PAG1: variants seen among roughly 807,000 people sequenced by gnomAD.
The protein encoded by PAG1 is phosphoprotein associated with glycosphingolipid-enriched microdomains 1.
Under a neutral mutation model 31.7 loss-of-function variants are expected in PAG1, and 23 were observed. The observed-to-expected ratio is 0.73, with a 90% CI of 0.52 to 1.03. The LOEUF is 1.03. Ranked by LOEUF, PAG1 falls within the 50% of genes least tolerant of loss-of-function variation. The pLI is 0.00. For missense variants in PAG1, 473 were observed against 540.7 expected (o/e 0.87, Z 1.24); for synonymous variants, 214 against 210.3 (o/e 1.02, Z -0.15).
intron 1 of PAG1, among the ~76,000 whole-genome samples, chr8:81,109,703 T>C (rs1809745201): frequency 6.6e-6 from 1 of 152,236 alleles, no homozygotes. Context: ...ATATGCCAGA[T>C]ACTGGCCCAA....
intron 3 of PAG1, among the ~76,000 whole-genome samples, chr8:80,995,478 T>A (rs1807654421): frequency 6.6e-6 from 1 of 152,242 alleles, no homozygotes; most frequent in Admixed American, 6.5e-5. Context: ...AAACTGAGAC[T>A]ACAAATTGGC....
intron 3 of PAG1, among the ~76,000 whole-genome samples, chr8:81,018,182 T>C (rs1447310824): frequency 6.6e-6 from 1 of 152,230 alleles, no homozygotes; most frequent in African/African-American, 2.4e-5. Flanking sequence ...ATTCAAAACT[T>C]TATTGGCCTA....
In PAG1 at chr8:80,991,570, CCCTTAAAAT is replaced by C. The variant is rs748571782; in HGVS notation, c.126-49_126-41del. 3.4e-6 allele frequency: 5 copies of C among 1,484,700 alleles called. No individual in the cohort carries two copies. The South Asian group carries it at 5.7e-5, about 17-fold the overall frequency. 92.0% of individuals were successfully genotyped at this position (1,484,700 alleles called of 1,614,324 possible). Reference sequence around the variant, plus strand: ...GAAATGTTGTAATGTCAAATGTGCCCCCTTAAAATCAAGCGCACACTACCCTTTCCTATC... The same window carrying C: ...GAAATGTTGTAATGTCAAATGTGCCCCAAGCGCACACTACCCTTTCCTATC... On this transcript the variant is annotated intron_variant, in intron 4 of 8. Coordinates refer to ENST00000220597, the MANE Select transcript of PAG1 (RefSeq NM_018440.4).
chr8:80,976,457 G>T lies in PAG1; in HGVS notation c.*87C>A. 1 of 1,321,910 alleles carries T rather than the reference G, an allele frequency of 7.6e-7. No homozygotes were observed. The highest frequency in any genetic ancestry group is 1.0e-6 in the Non-Finnish European group (1 of 957,908). The allele number at this position is 1,321,910 out of a possible 1,614,324, so 81.9% of individuals were successfully genotyped here. ...TCAGGTGACTAAAGCAGCATATGAA[G>T]TATAGGTTTGTGTCACTTCTTCTCT... On this transcript the variant is annotated 3_prime_UTR_variant, in exon 9 of 9. Transcript: ENST00000220597.
In PAG1 at chr8:80,979,789, TACATATGAAATATGTATATATAC is replaced by T. The variant is rs574518195; in HGVS notation, c.936+623_936+645del. ...GAGCATAGCTCAACATTTATATATA[TACATATGAAATATGTATATATAC>T]ACATATTTCATATTATATGTATAAT... On this transcript the variant is annotated intron_variant, in intron 8 of 8. Coordinates refer to ENST00000220597, the MANE Select transcript of PAG1 (RefSeq NM_018440.4). 2.5e-3 allele frequency among the ~76,000 whole-genome samples: 374 copies of T among 152,280 alleles called. 2 individuals are homozygous for T. Among genetic ancestry groups the T allele is most frequent in the African/African-American group, 8.6e-3 (359 of 41,550 alleles).
intron 3 of PAG1, among the ~76,000 whole-genome samples, chr8:81,010,644 T>A (rs944627195): frequency 3.3e-5 from 5 of 152,248 alleles, no homozygotes; most frequent in Non-Finnish European, 7.3e-5. Flanking sequence ...ATCAACACAT[T>A]ATTATGACAA....
chr8:80,985,422 A>G lies in PAG1; in HGVS notation c.275-45T>C, dbSNP rs761600346. 6.5e-6 allele frequency: 10 copies of G among 1,544,702 alleles called. No homozygotes were observed. The East Asian group carries it at 2.0e-4, about 32-fold the overall frequency. On this transcript the variant is annotated intron_variant, in intron 6 of 8. Transcript: ENST00000220597. ...AAAAGCGGAGAAAGGCAAGTCTTTC[A>G]ATAATTATTACCGAGAATCAGGTAA... is the stretch of plus-strand genomic sequence containing the variant.
chr8:81,087,341 CAAAAA>C (rs34830995), intron 1 of PAG1, among the ~76,000 whole-genome samples: 2 of 98,312 alleles, frequency 2.0e-5, no homozygotes, highest in Admixed American at 1.1e-4. Flanking sequence ...GACTCTGTCT[CAAAAA>C]AAAAAAAAAA....
intron 1 of PAG1, among the ~76,000 whole-genome samples, chr8:81,090,837 ACT>A (rs1218491828): frequency 4.6e-5 from 7 of 152,098 alleles, no homozygotes; most frequent in African/African-American, 7.2e-5. Context: ...ATCGCAAAAG[ACT>A]CTATGCCACA....
At chr8:80,987,657 T>G (rs954185739) in intron 5 of PAG1, 191 bp from the exon 6 acceptor site, 2 of 534,192 alleles carry the variant, frequency 3.7e-6, no homozygotes, top group South Asian at 2.0e-5. Flanking sequence ...CCTAAAACCA[T>G]GAGTAGTACT....
chr8:81,016,194 G>T (rs1464396328), intron 3 of PAG1, among the ~76,000 whole-genome samples: 1 of 152,198 alleles, frequency 6.6e-6, no homozygotes, highest in Non-Finnish European at 1.5e-5. Flanking sequence ...ACTGTAGAAT[G>T]AGCTGCTGAG....
intron 1 of PAG1, among the ~76,000 whole-genome samples, chr8:81,091,955 G>A (rs1809452843): frequency 6.7e-6 from 1 of 148,408 alleles, no homozygotes. Context: ...AGCTATGACT[G>A]CATCACTGCA....
In PAG1 at chr8:80,993,224, C is replaced by T; in HGVS notation, c.4G>A (p.Gly2Arg). Residue 2 changes from glycine to arginine, a missense_variant, in exon 4 of 9, where the codon GGG (glycine) becomes AGG (arginine). By Grantham distance (125) the Gly-to-Arg change is moderately radical. Transcript: ENST00000220597. ...CTGCCCAGCAGGCTCCCCGCGGGCC[C>T]CATGGCAGGAGCAGGCACTGGCACC... MGPAGSLLGSGQ... is the reference protein window; with the variant it reads MRPAGSLLGSGQ... 1 of 1,604,808 alleles carries T rather than the reference C, an allele frequency of 6.2e-7. No individual in the cohort carries two copies. The highest frequency in any genetic ancestry group is 8.5e-7 in the Non-Finnish European group (1 of 1,176,008).
chr8:81,072,839 A>T (rs1809116739), intron 1 of PAG1, among the ~76,000 whole-genome samples: 1 of 152,212 alleles, frequency 6.6e-6, no homozygotes, highest in African/African-American at 2.4e-5. Context: ...CACCTGTTGT[A>T]TTCTCAGCCC....
chr8:80,981,862 C>CTTTTTT (rs57438015), intron 7 of PAG1, among the ~76,000 whole-genome samples: 1,156 of 103,446 alleles, frequency 0.011, 103 homozygotes, highest in African/African-American at 0.054. Context: ...ATCTCACTTC[C>CTTTTTT]TTTTTTTTTT....
intron 3 of PAG1, among the ~76,000 whole-genome samples, chr8:80,997,887 T>C (rs1807712080): frequency 6.6e-6 from 1 of 152,182 alleles, no homozygotes; most frequent in Non-Finnish European, 1.5e-5. Context: ...TACCTCAATC[T>C]CCACCCCAAT....
intron 2 of PAG1, among the ~76,000 whole-genome samples, chr8:81,034,835 G>A (rs1431864671): frequency 6.6e-6 from 1 of 152,120 alleles, no homozygotes; most frequent in African/African-American, 2.4e-5. Context: ...ACGATTTCAT[G>A]TACCACCTGC....
chr8:80,994,970 C>T (rs2130530465), intron 3 of PAG1, among the ~76,000 whole-genome samples: 1 of 152,306 alleles, frequency 6.6e-6, no homozygotes, highest in Non-Finnish European at 1.5e-5. Context: ...AAAGCTGTGA[C>T]TGTTTTCAGC....
At position 80,973,102 on chromosome 8, in the gene PAG1, T is replaced by C. The variant is rs1010693514; in HGVS notation, c.*3442A>G. 2.0e-5 allele frequency: 3 copies of C among 152,134 alleles called. No homozygotes were observed. Among genetic ancestry groups the C allele is most frequent in the African/African-American group, 7.2e-5 (3 of 41,430 alleles). 9.4% of individuals were successfully genotyped at this position (152,134 alleles called of 1,614,324 possible). On this transcript the variant is annotated 3_prime_UTR_variant, in exon 9 of 9. Coordinates refer to ENST00000220597, the MANE Select transcript of PAG1 (RefSeq NM_018440.4). Reference sequence around the variant, plus strand: ...TTTAGTACTCAATTAGAATTAACTCTGGGATTTTGAGGGCAGATAAATCAG... The same window carrying C: ...TTTAGTACTCAATTAGAATTAACTCCGGGATTTTGAGGGCAGATAAATCAG...
Sources: gnomAD v4.1 joint callset for allele counts (sites outside exome capture counted in the v4.1 genomes callset) on GRCh38, gnomAD v4.1.1 for gene constraint, MANE v1.5 for transcripts, NCBI Gene and HGNC (gene_info 2026-07-23, HGNC 2026-07-21) for gene names.